The following TG variants were observed in gnomAD, a reference collection of about 807,000 sequenced individuals.
The protein encoded by TG is thyroid hormones.
In TG, 270 loss-of-function variants were observed where a neutral mutation model predicts 324.7. The ratio of observed to expected loss-of-function variants is 0.83; its 90% CI spans 0.75 to 0.92. The LOEUF is 0.92. TG is among the 40% of genes least tolerant of loss of function. TG has a pLI of 0.00. For synonymous variants in TG, 1,401 were observed against 1,327.0 expected (o/e 1.06, Z -1.21); for missense variants, 3,591 against 3,456.4 (o/e 1.04, Z -0.98).
At chr8:133,047,694 T>C (rs1839694608) in intron 41 of TG, 1 of 691,640 alleles carries the variant, frequency 1.4e-6, no homozygotes, top group Non-Finnish European at 2.7e-6. Flanking sequence ...GCGTGTGGGC[T>C]GCAGGGAGCT....
At chr8:133,001,952 G>T (rs1267692867) in intron 35 of TG, 1 of 985,326 alleles carries the variant, frequency 1.0e-6, no homozygotes, top group Non-Finnish European at 1.2e-6. Context: ...AATTCCTCTT[G>T]GTTTTGATTG....
At chr8:132,958,569 T>G (rs1235112359) in intron 27 of TG, among the ~76,000 whole-genome samples, 1 of 151,964 alleles carries the variant, frequency 6.6e-6, no homozygotes, top group Non-Finnish European at 1.5e-5. Flanking sequence ...AATACAAAAA[T>G]TAGCCAGGTG....
At chr8:133,013,787 G>C (rs1295292556) in intron 37 of TG, 23 bp downstream of exon 37, 1 of 1,604,068 alleles carries the variant, frequency 6.2e-7, no homozygotes, top group Non-Finnish European at 8.5e-7. Context: ...CTATGCCTTT[G>C]CAGCCATCCT....
In TG at chr8:132,882,625, C is replaced by T; in HGVS notation, c.889+13C>T. On this transcript the variant is annotated intron_variant, in intron 7 of 47. Transcript: ENST00000220616. Reference sequence around the variant, plus strand: ...GGCAGATTCCGATGTAAGTAATAAACTGCCAACAATGTGCGTGTTTCCATT... The same window carrying T: ...GGCAGATTCCGATGTAAGTAATAAATTGCCAACAATGTGCGTGTTTCCATT... 3 of 1,614,224 alleles carry T rather than the reference C, an allele frequency of 1.9e-6. No homozygotes were observed. The African/African-American group carries it at 4.0e-5, about 22-fold the overall frequency.
chr8:132,877,582 C>T (rs551622090), intron 5 of TG, among the ~76,000 whole-genome samples: 1 of 152,334 alleles, frequency 6.6e-6, no homozygotes, highest in South Asian at 2.1e-4. Context: ...GAATCGTACT[C>T]TGCGAATGAA....
intron 35 of TG, among the ~76,000 whole-genome samples, chr8:132,985,122 C>T (rs901261081): frequency 3.3e-5 from 5 of 152,102 alleles, no homozygotes; most frequent in African/African-American, 7.2e-5. Flanking sequence ...GTGTGTTCAA[C>T]GACACATAGA....
intron 41 of TG, among the ~76,000 whole-genome samples, chr8:133,034,355 G>A (rs934469723): frequency 2.0e-5 from 3 of 152,062 alleles, no homozygotes; most frequent in Non-Finnish European, 2.9e-5. Flanking sequence ...ATCATTGTGA[G>A]GTAAGTTCCT....
chr8:133,003,169 C>T (rs567870918), intron 35 of TG: 6 of 292,046 alleles, frequency 2.1e-5, no homozygotes, highest in Non-Finnish European at 3.1e-5. Context: ...ACATTTTCTC[C>T]TTTAACTGAT....
chr8:133,134,613 A>G, intron 47 of TG, 63 bp from the exon 48 acceptor site: 3 of 1,430,964 alleles, frequency 2.1e-6, no homozygotes, highest in Non-Finnish European at 3.0e-6. Flanking sequence ...GACAAAAGGA[A>G]GGGACCAGAG....
At chr8:132,914,370 A>T (rs1819988864) in intron 20 of TG, among the ~76,000 whole-genome samples, 1 of 152,136 alleles carries the variant, frequency 6.6e-6, no homozygotes, top group African/African-American at 2.4e-5. Context: ...TATTTTTTTC[A>T]ATTATTTATG....
At chr8:133,096,474 G>A (rs2739180) in intron 43 of TG, 101 bp downstream of exon 43, 894,261 of 1,416,874 alleles carry the variant, frequency 0.63, 287,349 homozygotes, top group Middle Eastern at 0.67. Context: ...CAATTGCTGA[G>A]TAACTACTGT....
intron 34 of TG, among the ~76,000 whole-genome samples, chr8:132,979,388 G>A (rs1830554930): frequency 6.6e-6 from 1 of 152,192 alleles, no homozygotes. Context: ...CTAAGCAAAT[G>A]TTTTTGGACC....
chr8:132,906,735 A>G lies in TG; in HGVS notation c.3682A>G (p.Thr1228Ala). ...CAACGCGTCGGAGGTGGTTGGTGGA[A>G]CAATCCTGTGTGAGACAATCTCGGG... Reference protein sequence around the residue: ...PFNASEVVGGTILCETISGPT... With the variant: ...PFNASEVVGGAILCETISGPT... Residue 1228 changes from threonine (T) to alanine (A), a missense_variant, in exon 17 of 48, where the codon ACA becomes GCA. Coordinates refer to ENST00000220616, the MANE Select transcript of TG (RefSeq NM_003235.5). 6.2e-7 allele frequency: 1 copy of G among 1,614,224 alleles called. No individual in the cohort carries two copies. The highest frequency in any genetic ancestry group is 8.5e-7 in the Non-Finnish European group (1 of 1,180,044).
chr8:132,941,275 C>T, intron 25 of TG, 76 bp from the exon 26 acceptor site: 2 of 1,569,226 alleles, frequency 1.3e-6, no homozygotes, highest in Non-Finnish European at 1.8e-6. Context: ...ACAAACTGTC[C>T]TGTGAGATCA....
intron 13 of TG, 33 bp downstream of exon 13, chr8:132,898,279 C>T: frequency 6.4e-7 from 1 of 1,557,168 alleles, no homozygotes; most frequent in African/African-American, 1.4e-5. Flanking sequence ...TCCTCCTGAC[C>T]CCCCTTGGTG....
In TG at chr8:132,911,485, C is replaced by T. The variant is rs372280039; in HGVS notation, c.4111C>T (p.Arg1371Trp). The change falls in exon 19 of 48, where the codon CGG becomes TGG. Residue 1371 changes from arginine to tryptophan, a missense_variant. Coordinates refer to ENST00000220616, the MANE Select transcript of TG (RefSeq NM_003235.5). ...AGGAGTGAATGTTACATGGAAATCA[C>T]GGCTTGAGGACATCCCAGTGGCTTC... is the stretch of plus-strand genomic sequence containing the variant. ...RLGVNVTWKSRLEDIPVASLP... is the reference protein window; with the variant it reads ...RLGVNVTWKSWLEDIPVASLP... The T allele has an allele frequency of 4.6e-5, 75 of 1,614,150 alleles. No individual in the cohort carries two copies. The highest frequency in any genetic ancestry group is 5.5e-5 in the South Asian group (5 of 91,082).
At position 132,991,555 on chromosome 8, in the gene TG, C is replaced by T. The variant is rs114448486; in HGVS notation, c.6262+8143C>T. Among the ~76,000 whole-genome samples the T allele has an allele frequency of 5.0e-3, 763 of 152,336 alleles. 7 individuals carry two copies. Among genetic ancestry groups the T allele is most frequent in the African/African-American group, 0.017 (706 of 41,586 alleles). ...TGCACACGCACACACGCACACAAGC[C>T]ATTTTGAGGGAGCTCATGGTGCATA... On this transcript the variant is annotated intron_variant, in intron 35 of 47. Transcript: ENST00000220616.
intron 43 of TG, among the ~76,000 whole-genome samples, chr8:133,108,067 T>C (rs902753485): frequency 3.3e-5 from 5 of 150,106 alleles, no homozygotes; most frequent in Non-Finnish European, 7.4e-5. Flanking sequence ...CTGCAAGCTC[T>C]GTCTGCCAGT....
chr8:133,111,613 T>C (rs184456579), intron 43 of TG, among the ~76,000 whole-genome samples: 102 of 152,336 alleles, frequency 6.7e-4, no homozygotes, highest in African/African-American at 2.3e-3. Flanking sequence ...GAATGGAAAC[T>C]CTCAGATGCG....
Sources: gnomAD v4.1 joint callset for allele counts (sites outside exome capture counted in the v4.1 genomes callset) on GRCh38, gnomAD v4.1.1 for gene constraint, MANE v1.5 for transcripts, NCBI Gene and HGNC (gene_info 2026-07-23, HGNC 2026-07-21) for gene names.